SEMA6B: variants seen among roughly 807,000 people sequenced by gnomAD.
SEMA6B encodes semaphorin-6B.
A neutral mutation model predicts 78.6 loss-of-function variants in SEMA6B; 47 were observed. That is an observed-to-expected ratio of 0.60 (90% CI 0.47 to 0.76). SEMA6B has a LOEUF of 0.76. Among genes scored for constraint, SEMA6B ranks in the 30% least tolerant of loss-of-function variants. The probability of loss-of-function intolerance (pLI) is 0.00; values close to 1 mark genes in which losing one functional copy is unlikely to be tolerated. For missense variants in SEMA6B, 1,213 were observed against 1,269.9 expected (o/e 0.96, Z 0.68); for synonymous variants, 632 against 592.2 (o/e 1.07, Z -0.98).
At chr19:4,546,157 CT>C in intron 16 of SEMA6B, 58 bp downstream of exon 16, 2 of 1,500,942 alleles carry the variant, frequency 1.3e-6, no homozygotes, top group Non-Finnish European at 9.0e-7. Context: ...AGCCTCCTCC[CT>C]CCCCTCCCCC....
rs566591525 is a variant in SEMA6B at position 4,549,619 on chromosome 19, C to T, written c.1271+504G>A. 6.9e-3 allele frequency among the ~76,000 whole-genome samples: 1,050 copies of T among 152,342 alleles called. 11 individuals carry two copies. Among genetic ancestry groups the T allele is most frequent in the African/African-American group, 0.024 (980 of 41,572 alleles). ...TCAGCCTCCTGAGTAGCTGGGACTA[C>T]AGGCGCCTGCCACCACGCCCAGCTA... On this transcript the variant is annotated intron_variant, in intron 12 of 16. Coordinates refer to ENST00000586582, the MANE Select transcript of SEMA6B (RefSeq NM_032108.4).
intron 1 of SEMA6B, among the ~76,000 whole-genome samples, 157 bp downstream of exon 1, chr19:4,559,373 G>A (rs1977558029): frequency 6.6e-6 from 1 of 151,978 alleles, no homozygotes; most frequent in African/African-American, 2.4e-5. Flanking sequence ...CCTCTCACGG[G>A]GGACTGCTTC....
Position 4,558,199 on chromosome 19 carries a change from AGGGTGGCCTGAGGTCATGCCCCTTCTAG to A in SEMA6B, c.122-78_122-51del, listed in dbSNP as rs1173911388. 9.8e-5 allele frequency: 135 copies of A among 1,378,350 alleles called. No homozygotes were observed. The highest frequency in any genetic ancestry group is 1.3e-4 in the Non-Finnish European group (132 of 1,051,144). The allele number at this position is 1,378,350 out of a possible 1,614,324, so 85.4% of individuals were successfully genotyped here. On this transcript the variant is annotated intron_variant, in intron 2 of 16. Transcript: ENST00000586582. This position sits in a 1 kb window ranked among gnomAD's most constrained non-coding sequence, Gnocchi z 5.1. ...GTGAGCAAGGGCTGGGGGTGAAGAG[AGGGTGGCCTGAGGTCATGCCCCTTCTAG>A]GGGTGGCTCCTGGACTGCTTGAGTC...
intron 9 of SEMA6B, among the ~76,000 whole-genome samples, chr19:4,553,293 GATGA>G (rs1361125865): frequency 6.6e-6 from 1 of 151,892 alleles, no homozygotes; most frequent in Non-Finnish European, 1.5e-5. Context: ...TGAATAAGTG[GATGA>G]ATGAATGGAT....
chr19:4,547,372 A>C (rs988520619), intron 14 of SEMA6B, among the ~76,000 whole-genome samples: 1 of 152,214 alleles, frequency 6.6e-6, no homozygotes, highest in African/African-American at 2.4e-5. Context: ...TCCAGAAAGT[A>C]AATGTTTGCC....
intron 5 of SEMA6B, among the ~76,000 whole-genome samples, 162 bp downstream of exon 5, chr19:4,556,789 T>TGTGGCCAGGGCTGGCAGTTGGGC (rs1289323915): frequency 1.1e-5 from 1 of 87,648 alleles, no homozygotes; most frequent in African/African-American, 4.5e-5. Flanking sequence ...TGTTTGGGGG[T>TGTGGCCAGGGCTGGCAGTTGGGC]GTGGCCAGGG....
chr19:4,558,127 A>G lies in SEMA6B; in HGVS notation c.144T>C (p.Phe48=). The change falls in exon 3 of 17, where the codon TTT becomes TTC. Residue 48 remains phenylalanine (F), a synonymous_variant. Coordinates refer to ENST00000586582, the MANE Select transcript of SEMA6B (RefSeq NM_032108.4). The surrounding 1 kb of genome is among the most constrained non-coding windows in gnomAD (Gnocchi z 5.1). Reference sequence around the variant, plus strand: ...TCAGGCGTCCGGGCCCGCTGCCCACAAACACGGGATAGTGGTTCAGGTCTG... The same window carrying G: ...TCAGGCGTCCGGGCCCGCTGCCCACGAACACGGGATAGTGGTTCAGGTCTG... ...PRDYLNHYPV[F]VGSGPGRLTP... is the part of the protein sequence containing the mutation. 1 of 1,514,516 alleles carries G rather than the reference A, an allele frequency of 6.6e-7. No homozygotes were observed. The highest frequency in any genetic ancestry group is 8.9e-7 in the Non-Finnish European group (1 of 1,123,356). 93.8% of individuals were successfully genotyped at this position (1,514,516 alleles called of 1,614,324 possible). A position where few individuals can be genotyped will look rare whatever the true frequency, so the allele number is the denominator to read the frequency against.
chr19:4,548,728 C>T (rs1267273105), intron 12 of SEMA6B, among the ~76,000 whole-genome samples: 3 of 152,230 alleles, frequency 2.0e-5, no homozygotes, highest in African/African-American at 7.2e-5. Flanking sequence ...AGTGCAGTGG[C>T]GCAATCTCAG....
Position 4,554,431 on chromosome 19 carries a change from A to T in SEMA6B, c.728T>A (p.Phe243Tyr). The T allele has an allele frequency of 4.3e-6, 7 of 1,613,966 alleles. No individual in the cohort carries two copies. Among genetic ancestry groups the T allele is most frequent in the Non-Finnish European group, 5.9e-6 (7 of 1,179,982 alleles). ...HAVEWGSHVYFFFREIAMEFN... is the reference protein window; with the variant it reads ...HAVEWGSHVYYFFREIAMEFN... ...CTCCATCGCAATCTCCCGGAAGAAG[A>T]AGTAGACATGGCTGCCCCACTCCAC... The change falls in exon 9 of 17, where the codon TTC (phenylalanine) becomes TAC (tyrosine). Residue 243 changes from phenylalanine to tyrosine, a missense_variant. Physicochemically the swap from Phe to Tyr is conservative, Grantham distance 22. Coordinates refer to ENST00000586582, the MANE Select transcript of SEMA6B (RefSeq NM_032108.4).
intron 14 of SEMA6B, 143 bp from the exon 15 acceptor site, chr19:4,546,612 C>T (rs1280466630): frequency 6.7e-6 from 3 of 446,240 alleles, no homozygotes; most frequent in Non-Finnish European, 1.2e-5. Flanking sequence ...CGGAATTTCG[C>T]TCTTGTTGTT....
chr19:4,551,910 A>G (rs1043805328), intron 10 of SEMA6B, among the ~76,000 whole-genome samples: 4 of 151,892 alleles, frequency 2.6e-5, no homozygotes, highest in African/African-American at 9.7e-5. Context: ...TCACTCTTCC[A>G]TGGCTCCCCA....
Position 4,551,499 on chromosome 19 carries a change from C to T in SEMA6B, c.990-569G>A, listed in dbSNP as rs368394433. ...CCTCCCAAAGTGCTGGGATTACAGGCGAAGCCACCGTGCCCAGTCCACAAG... is the reference window on the plus strand; with the variant it reads ...CCTCCCAAAGTGCTGGGATTACAGGTGAAGCCACCGTGCCCAGTCCACAAG... On this transcript the variant is annotated intron_variant, in intron 10 of 16. Coordinates refer to ENST00000586582, the MANE Select transcript of SEMA6B (RefSeq NM_032108.4). Among the ~76,000 whole-genome samples, 36 of 151,734 alleles carry T rather than the reference C, an allele frequency of 2.4e-4. No individual in the cohort carries two copies. The South Asian group carries it at 5.0e-3, about 21-fold the overall frequency.
Position 4,550,315 on chromosome 19 carries a change from TC to T in SEMA6B, c.1122-44del, listed in dbSNP as rs758300814. The T allele has an allele frequency of 3.7e-5, 59 of 1,604,952 alleles. No homozygotes were observed. The African/African-American group carries it at 6.3e-4, about 17-fold the overall frequency. On this transcript the variant is annotated intron_variant, in intron 11 of 16. Coordinates refer to ENST00000586582, the MANE Select transcript of SEMA6B (RefSeq NM_032108.4). The surrounding 1 kb of genome is among the most constrained non-coding windows in gnomAD (Gnocchi z 6.6). ...GTGGTCAGGACGAACGTAAAGGTTC[TC>T]ATAAAGGGGCCTGATTCACCAGAGG...
chr19:4,548,540 C>A, intron 12 of SEMA6B, 95 bp from the exon 13 acceptor site: 1 of 1,134,656 alleles, frequency 8.8e-7, no homozygotes, highest in Non-Finnish European at 1.3e-6. Context: ...CATACAGACA[C>A]TGACACACCA....
At chr19:4,546,932 T>G (rs987513036) in intron 14 of SEMA6B, among the ~76,000 whole-genome samples, 10 of 147,242 alleles carry the variant, frequency 6.8e-5, no homozygotes, top group Non-Finnish European at 1.2e-4. Context: ...TATTTTAAAA[T>G]TAAAAAAATT....
At position 4,556,097 on chromosome 19, in the gene SEMA6B, G is replaced by A. The variant is rs1977462065; in HGVS notation, c.370-8C>T. The A allele has an allele frequency of 6.2e-7, 1 of 1,603,968 alleles. No individual in the cohort carries two copies. The highest frequency in any genetic ancestry group is 1.1e-5 in the South Asian group (1 of 90,904). ...GAAGTTTCGACACTCGCCCTGAGGTGGGGACAGGAGGAAGCGGGGAGCGCG... is the reference window on the plus strand; with the variant it reads ...GAAGTTTCGACACTCGCCCTGAGGTAGGGACAGGAGGAAGCGGGGAGCGCG... On this transcript the variant is annotated splice_polypyrimidine_tract_variant and splice_region_variant and intron_variant, in intron 5 of 16. Coordinates refer to ENST00000586582, the MANE Select transcript of SEMA6B (RefSeq NM_032108.4).
chr19:4,559,351 G>A (rs1319333689), intron 1 of SEMA6B, among the ~76,000 whole-genome samples, 179 bp downstream of exon 1: 4 of 152,088 alleles, frequency 2.6e-5, no homozygotes, highest in Non-Finnish European at 4.4e-5. Context: ...CTCCATGACA[G>A]GCACCTCACT....
Position 4,556,985 on chromosome 19 carries a change from T to A in SEMA6B, c.335A>T (p.Asp112Val), listed in dbSNP as rs1208478462. 3.1e-6 allele frequency: 5 copies of A among 1,613,300 alleles called. No individual in the cohort carries two copies. Among genetic ancestry groups the A allele is most frequent in the Non-Finnish European group, 4.2e-6 (5 of 1,179,624 alleles). Reference protein sequence around the residue: ...RKLTWRSNPSDINVCRMKGKQ... With the variant: ...RKLTWRSNPSVINVCRMKGKQ... ...GCCCTTCATCCGACACACGTTTATG[T>A]CGCTGGGGTTAGATCTCCAGGTCAG... The change falls in exon 5 of 17, where the codon GAC becomes GTC. Residue 112 changes from aspartate to valine, a missense_variant. By Grantham distance (152) the Asp-to-Val change is radical (BLOSUM62 -3). Coordinates refer to ENST00000586582, the MANE Select transcript of SEMA6B (RefSeq NM_032108.4).
At chr19:4,549,995 C>T in intron 12 of SEMA6B, 128 bp downstream of exon 12, 2 of 824,928 alleles carry the variant, frequency 2.4e-6, no homozygotes, top group Non-Finnish European at 3.8e-6. Flanking sequence ...CTCTGTCTCT[C>T]TGTGTCTCCA....
Sources: gnomAD v4.1 joint callset for allele counts (sites outside exome capture counted in the v4.1 genomes callset) on GRCh38, gnomAD v4.1.1 for gene constraint, Gnocchi (gnomAD v3.1) non-coding constraint, MANE v1.5 for transcripts, NCBI Gene and HGNC (gene_info 2026-07-23, HGNC 2026-07-21) for gene names.